ART1: variants seen among roughly 807,000 people sequenced by gnomAD.
ART1 encodes the protein GPI-linked NAD(P)(+)--arginine ADP-ribosyltransferase 1.
Under a neutral mutation model 27.0 loss-of-function variants are expected in ART1, and 29 were observed. That is an observed-to-expected ratio of 1.08 (90% CI 0.80 to 1.47). The LOEUF (loss-of-function observed/expected upper bound fraction) is 1.47. Ranked by LOEUF, ART1 falls within the 40% of genes most tolerant of loss-of-function variation. The pLI, the probability that ART1 is intolerant of heterozygous loss-of-function variation, is 0.00. For missense variants in ART1, 480 were observed against 423.0 expected, an observed-to-expected ratio of 1.13 and a Z score of -1.18; for synonymous variants, 201 against 172.2, an observed-to-expected ratio of 1.17 and a Z score of -1.31.
At chr11:3,647,754 A>T (rs912305948) in intron 1 of ART1, among the ~76,000 whole-genome samples, 1 of 152,200 alleles carries the variant, frequency 6.6e-6, no homozygotes, top group Non-Finnish European at 1.5e-5. Context: ...ACATGAGTGT[A>T]TACTTATTTC....
At chr11:3,651,288 G>A (rs1007958433) in intron 1 of ART1, among the ~76,000 whole-genome samples, 1 of 149,948 alleles carries the variant, frequency 6.7e-6, no homozygotes, top group Non-Finnish European at 1.5e-5. Context: ...CAAATTACCT[G>A]GGCTGTACTG....
intron 1 of ART1, among the ~76,000 whole-genome samples, chr11:3,651,552 C>CT (rs2077522166): frequency 2.0e-5 from 3 of 149,314 alleles, no homozygotes; most frequent in African/African-American, 7.6e-5. Flanking sequence ...CTTGCCCTTA[C>CT]GTTTTAGCCT....
Position 3,659,936 on chromosome 11 carries a change from C to A in ART1, c.417C>A (p.Gly139=), listed in dbSNP as rs1216490591. 2 of 1,613,260 alleles carry A rather than the reference C, an allele frequency of 1.2e-6. No homozygotes were observed. The highest frequency in any genetic ancestry group is 1.3e-5 in the African/African-American group (1 of 74,942). Reference sequence around the variant, plus strand: ...TCAATGCAGCCGTGCGTGAGGCGGGCCGCTCCCGGGCCCACTACCTCCACC... The same window carrying A: ...TCAATGCAGCCGTGCGTGAGGCGGGACGCTCCCGGGCCCACTACCTCCACC... ...KEFNAAVREA[G]RSRAHYLHHF... is the part of the protein sequence containing the mutation. Residue 139 remains glycine (G), a synonymous_variant, in exon 3 of 5, where the codon GGC becomes GGA. Transcript: ENST00000250693.
chr11:3,653,817 C>T (rs2077549315), intron 1 of ART1, among the ~76,000 whole-genome samples: 3 of 142,732 alleles, frequency 2.1e-5, no homozygotes, highest in African/African-American at 8.0e-5. Flanking sequence ...TGCCATTCTC[C>T]CATCAGACAT....
intron 1 of ART1, among the ~76,000 whole-genome samples, chr11:3,645,850 G>A (rs1427179873): frequency 1.3e-5 from 2 of 152,188 alleles, no homozygotes; most frequent in African/African-American, 4.8e-5. Flanking sequence ...GCCTTGAAGA[G>A]TAGGTATCCA....
intron 1 of ART1, among the ~76,000 whole-genome samples, chr11:3,648,417 C>T (rs977361245): frequency 3.9e-5 from 6 of 152,104 alleles, no homozygotes; most frequent in East Asian, 3.9e-4. Context: ...GTCCTCAGAC[C>T]GACCAGCGCA....
intron 1 of ART1, among the ~76,000 whole-genome samples, chr11:3,658,154 G>A (rs545970767): frequency 6.6e-6 from 1 of 152,134 alleles, no homozygotes; most frequent in South Asian, 2.1e-4. Context: ...CCAGCATGGT[G>A]AAACCCCGTC....
chr11:3,648,757 A>G (rs2077489645), intron 1 of ART1, among the ~76,000 whole-genome samples: 1 of 151,996 alleles, frequency 6.6e-6, no homozygotes, highest in Non-Finnish European at 1.5e-5. Context: ...CTTCACCCTT[A>G]GCGGCAAGTC....
intron 1 of ART1, among the ~76,000 whole-genome samples, chr11:3,652,908 A>G (rs1003387088): frequency 6.7e-6 from 1 of 149,598 alleles, no homozygotes; most frequent in Non-Finnish European, 1.5e-5. Context: ...GGTCCTCCCA[A>G]TTCTTAGACC....
intron 4 of ART1, among the ~76,000 whole-genome samples, chr11:3,661,955 T>A (rs1488676125): frequency 6.6e-6 from 1 of 152,238 alleles, no homozygotes; most frequent in Non-Finnish European, 1.5e-5. Flanking sequence ...AGCCTGGATC[T>A]GCCTATCCCT....
At chr11:3,662,635 A>C (rs2077628635) in intron 4 of ART1, among the ~76,000 whole-genome samples, 1 of 152,178 alleles carries the variant, frequency 6.6e-6, no homozygotes, top group Admixed American at 6.5e-5. Flanking sequence ...ACCTGAGGTC[A>C]GGAGTTCGAG....
chr11:3,662,713 G>A (rs966479378), intron 4 of ART1, among the ~76,000 whole-genome samples: 6 of 152,066 alleles, frequency 3.9e-5, no homozygotes, highest in Admixed American at 6.6e-5. Context: ...GCGTGGTGGC[G>A]CATGCCTGTA....
intron 3 of ART1, among the ~76,000 whole-genome samples, chr11:3,660,807 T>A (rs1193588563): frequency 6.6e-6 from 1 of 152,168 alleles, no homozygotes; most frequent in East Asian, 1.9e-4. Context: ...AATTATGTGC[T>A]GAAGGGTGTG....
At chr11:3,645,437 A>G (rs1377460555) in intron 1 of ART1, among the ~76,000 whole-genome samples, 1 of 152,212 alleles carries the variant, frequency 6.6e-6, no homozygotes, top group African/African-American at 2.4e-5. Context: ...TGCTCCGAGC[A>G]GGATGAGAGG....
chr11:3,651,003 C>T (rs931416967), intron 1 of ART1, among the ~76,000 whole-genome samples: 1 of 151,980 alleles, frequency 6.6e-6, no homozygotes, highest in Admixed American at 6.6e-5. Flanking sequence ...CTTTTAAAGC[C>T]TATAAACTCT....
intron 1 of ART1, among the ~76,000 whole-genome samples, chr11:3,653,445 T>A (rs995220727): frequency 2.7e-5 from 4 of 147,804 alleles, no homozygotes; most frequent in Non-Finnish European, 2.9e-5. Context: ...TGACCCCCAC[T>A]CTGACTGCCA....
intron 1 of ART1, among the ~76,000 whole-genome samples, chr11:3,653,030 C>G (rs1337243097): frequency 4.1e-5 from 6 of 147,872 alleles, no homozygotes. Context: ...TTCTAACAAC[C>G]CCACAATATC....
chr11:3,653,468 C>G (rs969205868), intron 1 of ART1, among the ~76,000 whole-genome samples: 2 of 149,686 alleles, frequency 1.3e-5, no homozygotes, highest in Non-Finnish European at 2.9e-5. Flanking sequence ...GAACAACCCC[C>G]CTTTGACTGT....
At chr11:3,652,645 G>C (rs1346231706) in intron 1 of ART1, among the ~76,000 whole-genome samples, 2 of 151,956 alleles carry the variant, frequency 1.3e-5, no homozygotes, top group Non-Finnish European at 2.9e-5. Flanking sequence ...GACCAACTTA[G>C]ACTGTGCCCC....
Sources: gnomAD v4.1 joint callset for allele counts (sites outside exome capture counted in the v4.1 genomes callset) on GRCh38, gnomAD v4.1.1 for gene constraint, MANE v1.5 for transcripts, NCBI Gene and HGNC (gene_info 2026-07-23, HGNC 2026-07-21) for gene names.